Variants in ATP8B2 observed in about 807,000 individuals in gnomAD.
ATP8B2 encodes phospholipid-transporting ATPase ID.
Under a neutral mutation model 133.4 loss-of-function variants are expected in ATP8B2, and 70 were observed. That is an observed-to-expected ratio of 0.52 (90% CI 0.43 to 0.64). ATP8B2 has a LOEUF of 0.64. ATP8B2 is among the 30% of genes least tolerant of loss of function. The pLI is 0.00. For synonymous variants in ATP8B2, 517 were observed against 589.5 expected (o/e 0.88, Z 1.78); for missense variants, 1,101 against 1,535.7 (o/e 0.72, Z 4.73).
chr1:154,326,622 C>T (rs1320423124), intron 1 of ATP8B2, among the ~76,000 whole-genome samples: 2 of 152,214 alleles, frequency 1.3e-5, no homozygotes, highest in Non-Finnish European at 2.9e-5. Context: ...GGTCTGGGGC[C>T]AAGCCTGCTT....
chr1:154,332,618 C>A lies in ATP8B2; in HGVS notation c.510C>A (p.Gly170=), dbSNP rs1045687634. The part of the protein sequence containing the change: ...LCYIETAELD[G]ETNMKVRQAI... Reference sequence around the variant, plus strand: ...GGACTCAGAGATACTGTCCTTCCAGCGAGACCAACATGAAAGTACGTCAGG... The same window carrying A: ...GGACTCAGAGATACTGTCCTTCCAGAGAGACCAACATGAAAGTACGTCAGG... Residue 170 remains glycine, a splice_region_variant and synonymous_variant, in exon 9 of 28, where the codon GGC becomes GGA. Transcript: ENST00000368489. 6.3e-7 allele frequency: 1 copy of A among 1,584,454 alleles called. No homozygotes were observed. The highest frequency in any genetic ancestry group is 8.6e-7 in the Non-Finnish European group (1 of 1,163,960).
In ATP8B2 at chr1:154,331,062, CTCTTCCCTGTCCTGGT is replaced by C; in HGVS notation, c.222_237del (p.Ser75ProfsTer31). 1 of 1,614,008 alleles carries C rather than the reference CTCTTCCCTGTCCTGGT, an allele frequency of 6.2e-7. No individual in the cohort carries two copies. The highest frequency in any genetic ancestry group is 8.5e-7 in the Non-Finnish European group (1 of 1,179,908). On this transcript the variant is annotated frameshift_variant, in exon 5 of 28. Transcript: ENST00000368489. LOFTEE classifies it high-confidence loss of function. This position sits in a 1 kb window ranked among gnomAD's most constrained non-coding sequence, Gnocchi z 4.8. ...CTTTTTTTCAGTTGATCCCCCAGAT[CTCTTCCCTGTCCTGGT>C]TCACCACCATTGTGCCTTTGGTTCT...
At position 154,335,412 on chromosome 1, in the gene ATP8B2, C is replaced by G. The variant is rs75896114; in HGVS notation, c.837+821C>G. On this transcript the variant is annotated intron_variant, in intron 11 of 27. Transcript: ENST00000368489. ...TTTTTGACTAATCAGGAAATCTAGACCAGGAGTGGTGGCTCACACCTGTAA... is the reference window on the plus strand; with the variant it reads ...TTTTTGACTAATCAGGAAATCTAGAGCAGGAGTGGTGGCTCACACCTGTAA... 5.2e-3 allele frequency among the ~76,000 whole-genome samples: 791 copies of G among 152,308 alleles called. 32 individuals are homozygous for G. In the East Asian group the frequency reaches 0.09, roughly 17 times the overall value.
chr1:154,341,211 A>ATGAGCCAC, intron 13 of ATP8B2, 149 bp downstream of exon 13: 2 of 818,638 alleles, frequency 2.4e-6, no homozygotes, highest in Non-Finnish European at 4.1e-6. Flanking sequence ...CTGGCCAGGC[A>ATGAGCCAC]CGGTGGCTCA....
At chr1:154,329,116 AT>A (rs768309380) in intron 2 of ATP8B2, 137 of 1,216,674 alleles carry the variant, frequency 1.1e-4, no homozygotes, top group Non-Finnish European at 1.4e-4. Flanking sequence ...CGCACCCATT[AT>A]TTCCCCCCTC....
chr1:154,342,968 C>A lies in ATP8B2; in HGVS notation c.1453+7C>A. 6.2e-7 allele frequency: 1 copy of A among 1,613,434 alleles called. No homozygotes were observed. The highest frequency in any genetic ancestry group is 1.1e-5 in the South Asian group (1 of 91,036). On this transcript the variant is annotated splice_region_variant and intron_variant, in intron 15 of 27. Transcript: ENST00000368489. ...TCAGAAGAAAAGAACGAAGGTGGGC[C>A]GAGGAGCCGGCTCGCACTCTCCTGA...
intron 13 of ATP8B2, 75 bp downstream of exon 13, chr1:154,341,137 C>T (rs777420723): frequency 2.0e-5 from 30 of 1,491,358 alleles, no homozygotes; most frequent in African/African-American, 5.6e-5. Context: ...CCCACAGTTT[C>T]CTTAACATTG....
In ATP8B2 at chr1:154,348,885, C is replaced by T. The variant is rs781160220; in HGVS notation, c.3340C>T (p.Arg1114Cys). 5 of 1,613,318 alleles carry T rather than the reference C, an allele frequency of 3.1e-6. No individual in the cohort carries two copies. Among genetic ancestry groups the T allele is most frequent in the Non-Finnish European group, 4.2e-6 (5 of 1,179,508 alleles). The stretch of plus-strand genomic sequence containing the variant: ...GAGGAAGAAGCAGAAGGCCCAGCAC[C>T]GCTGCATGCGGCGGGTTGGCCGCAC... ...LVRKKQKAQH[R>C]CMRRVGRTGS... Residue 1114 changes from arginine to cysteine, a missense_variant, in exon 28 of 28, where the codon CGC becomes TGC. Coordinates refer to ENST00000368489, the MANE Select transcript of ATP8B2 (RefSeq NM_001370597.1).
chr1:154,331,488 G>A lies in ATP8B2; in HGVS notation c.348G>A (p.Gln116=), dbSNP rs953010030. The A allele has an allele frequency of 6.2e-7, 1 of 1,614,050 alleles. No homozygotes were observed. The highest frequency in any genetic ancestry group is 1.3e-5 in the African/African-American group (1 of 74,922). ...ACCAGGTGAATAACCGCCAGTCTCA[G>A]GTGCTGATCAATGGAATGTGAGTGC... ...SDNQVNNRQS[Q]VLINGILQQE... is the part of the protein sequence containing the mutation. The change falls in exon 6 of 28, where the codon CAG becomes CAA. Residue 116 remains glutamine (Q), a synonymous_variant. Transcript: ENST00000368489. The surrounding 1 kb of genome is among the most constrained non-coding windows in gnomAD (Gnocchi z 4.8).
At chr1:154,336,316 C>T (rs1169716455) in intron 11 of ATP8B2, among the ~76,000 whole-genome samples, 2 of 152,054 alleles carry the variant, frequency 1.3e-5, no homozygotes, top group African/African-American at 2.4e-5. Context: ...CAGACTAGAA[C>T]CTGTCACCAG....
At chr1:154,342,403 G>C in intron 13 of ATP8B2, 77 bp from the exon 14 acceptor site, 1 of 1,427,784 alleles carries the variant, frequency 7.0e-7, no homozygotes, top group Non-Finnish European at 9.9e-7. Context: ...CGGGGATTCT[G>C]CATTGGAGAT....
Position 154,344,893 on chromosome 1 carries a change from C to T in ATP8B2, c.2287-78C>T, listed in dbSNP as rs1435469191. On this transcript the variant is annotated intron_variant, in intron 21 of 27. Transcript: ENST00000368489. The surrounding 1 kb of genome is among the most constrained non-coding windows in gnomAD (Gnocchi z 4.1). ...CCCTGATTTCAGAGAAGACTGGTCT[C>T]AAAGGGGACTGGGAGGAGCTGAGAC... The T allele has an allele frequency of 1.3e-6, 2 of 1,549,380 alleles. No homozygotes were observed. The highest frequency in any genetic ancestry group is 8.7e-7 in the Non-Finnish European group (1 of 1,146,696).
chr1:154,340,974 G>A lies in ATP8B2; in HGVS notation c.1155G>A (p.Gln385=), dbSNP rs1203664674. The A allele has an allele frequency of 2.5e-6, 4 of 1,614,194 alleles. No individual in the cohort carries two copies. Among genetic ancestry groups the A allele is most frequent in the Non-Finnish European group, 3.4e-6 (4 of 1,180,042 alleles). The part of the protein sequence containing the change: ...RTTTLNEELG[Q]VEYIFSDKTG... ...CCACCCTAAACGAGGAGCTGGGCCAGGTGGAGTACATCTTCTCCGACAAGA... is the reference window on the plus strand; with the variant it reads ...CCACCCTAAACGAGGAGCTGGGCCAAGTGGAGTACATCTTCTCCGACAAGA... Residue 385 remains glutamine (Q), a synonymous_variant, in exon 13 of 28, where the codon CAG becomes CAA. Coordinates refer to ENST00000368489, the MANE Select transcript of ATP8B2 (RefSeq NM_001370597.1). The surrounding 1 kb of genome is among the most constrained non-coding windows in gnomAD (Gnocchi z 4.0).
Position 154,327,937 on chromosome 1 carries a change from C to T in ATP8B2, c.-37-168C>T, listed in dbSNP as rs961048925. 7.1e-6 allele frequency: 11 copies of T among 1,552,348 alleles called. No individual in the cohort carries two copies. The African/African-American group carries it at 1.2e-4, about 17-fold the overall frequency. ...ATGATGGGAGGTGGTGGGGAAGTCC[C>T]CTCTTTCCCAGGAACCCATCATGGC... is the stretch of plus-strand genomic sequence containing the variant. On this transcript the variant is annotated intron_variant, in intron 1 of 27. Transcript: ENST00000368489.
At position 154,330,848 on chromosome 1, in the gene ATP8B2, C is replaced by T; in HGVS notation, c.124C>T (p.Leu42Phe). The stretch of plus-strand genomic sequence containing the variant: ...CATCAAGACCTCCAAGTACAATATT[C>T]TCACCTTCCTGCCTGTCAACCTCTT... Reference protein sequence around the residue: ...NCIKTSKYNILTFLPVNLFEQ... With the variant: ...NCIKTSKYNIFTFLPVNLFEQ... The change falls in exon 4 of 28, where the codon CTC (leucine) becomes TTC (phenylalanine). Residue 42 changes from leucine (L) to phenylalanine (F), a missense_variant. Transcript: ENST00000368489. The T allele has an allele frequency of 6.2e-7, 1 of 1,614,104 alleles. No homozygotes were observed. The highest frequency in any genetic ancestry group is 8.5e-7 in the Non-Finnish European group (1 of 1,179,990).
Position 154,343,199 on chromosome 1 carries a change from A to G in ATP8B2, c.1540A>G (p.Thr514Ala), listed in dbSNP as rs377431944. Residue 514 changes from threonine (T) to alanine (A), a missense_variant, in exon 16 of 28, where the codon ACC becomes GCC. Coordinates refer to ENST00000368489, the MANE Select transcript of ATP8B2 (RefSeq NM_001370597.1). The surrounding 1 kb of genome is among the most constrained non-coding windows in gnomAD (Gnocchi z 5.8). Reference sequence around the variant, plus strand: ...CTTTGGTTTTGTTTTCCGCTCTCGCACCCCCAAAACAATCACCGTCCATGA... The same window carrying G: ...CTTTGGTTTTGTTTTCCGCTCTCGCGCCCCCAAAACAATCACCGTCCATGA... The part of the protein sequence containing the change: ...RNFGFVFRSR[T>A]PKTITVHEMG... 6.2e-7 allele frequency: 1 copy of G among 1,613,916 alleles called. No individual in the cohort carries two copies. Among genetic ancestry groups the G allele is most frequent in the South Asian group, 1.1e-5 (1 of 91,062 alleles).
rs1304202573 is a variant in ATP8B2 at position 154,343,997 on chromosome 1, C to G, written c.1863C>G (p.Ala621=). Residue 621 remains alanine (A), a synonymous_variant, in exon 18 of 28, where the codon GCC becomes GCG. Coordinates refer to ENST00000368489, the MANE Select transcript of ATP8B2 (RefSeq NM_001370597.1). The surrounding 1 kb of genome is among the most constrained non-coding windows in gnomAD (Gnocchi z 5.8). ...AGCGACGCCTCCAGGCCAGCCTGGCCCAGGACAGCCGGGAGGACAGGCTGG... is the reference window on the plus strand; with the variant it reads ...AGCGACGCCTCCAGGCCAGCCTGGCGCAGGACAGCCGGGAGGACAGGCTGG... The part of the protein sequence containing the change: ...WAERRLQASL[A]QDSREDRLAS... The G allele has an allele frequency of 6.2e-7, 1 of 1,614,182 alleles. No homozygotes were observed. Among genetic ancestry groups the G allele is most frequent in the East Asian group, 2.2e-5 (1 of 44,882 alleles).
intron 1 of ATP8B2, among the ~76,000 whole-genome samples, chr1:154,326,465 G>A (rs1425765590): frequency 6.6e-6 from 1 of 152,162 alleles, no homozygotes; most frequent in Non-Finnish European, 1.5e-5. Flanking sequence ...GGGGCTGGGT[G>A]ACGGGGCAGG....
At chr1:154,337,794 T>G (rs890446324) in intron 12 of ATP8B2, 1 of 1,401,148 alleles carries the variant, frequency 7.1e-7, no homozygotes, top group African/African-American at 1.5e-5. Context: ...ACATGCCTAC[T>G]GTGTACAAAG....
Sources: allele counts gnomAD v4.1 joint callset (sites outside exome capture counted in the v4.1 genomes callset), GRCh38; gene constraint gnomAD v4.1.1; non-coding constraint Gnocchi (gnomAD v3.1); transcripts MANE v1.5; gene names NCBI Gene and HGNC (gene_info 2026-07-23, HGNC 2026-07-21).